EPDR1: variants seen among roughly 807,000 people sequenced by gnomAD.
EPDR1 encodes the protein ependymin related 1.
Under a neutral mutation model 23.7 loss-of-function variants are expected in EPDR1, and 27 were observed. That is an observed-to-expected ratio of 1.14 (90% CI 0.84 to 1.57). The LOEUF (loss-of-function observed/expected upper bound fraction) is 1.57. EPDR1 is among the 40% of genes most tolerant of loss of function. EPDR1 has a pLI of 0.00. For missense variants in EPDR1, 349 were observed against 290.4 expected, an observed-to-expected ratio of 1.20 and a Z score of -1.47; for synonymous variants, 137 against 118.2, an observed-to-expected ratio of 1.16 and a Z score of -1.03.
chr7:37,922,583 C>G (rs2131996956), intron 1 of EPDR1, among the ~76,000 whole-genome samples: 1 of 152,100 alleles, frequency 6.6e-6, no homozygotes, highest in Non-Finnish European at 1.5e-5. Flanking sequence ...GTTTTATGAT[C>G]TCCATTTTAC....
At chr7:37,921,764 C>G (rs1785710631) in intron 1 of EPDR1, among the ~76,000 whole-genome samples, 1 of 152,162 alleles carries the variant, frequency 6.6e-6, no homozygotes, top group African/African-American at 2.4e-5. Flanking sequence ...TTTTGGTCTA[C>G]TCCTTTTAAG....
chr7:37,947,983 AGCCACT>A (rs1230411295), intron 1 of EPDR1, among the ~76,000 whole-genome samples: 15 of 152,206 alleles, frequency 9.9e-5, no homozygotes, highest in Non-Finnish European at 2.1e-4. Context: ...CTCTCATCTC[AGCCACT>A]GCAGGGTATG....
At chr7:37,938,948 T>C (rs1211052907) in intron 1 of EPDR1, among the ~76,000 whole-genome samples, 15 of 151,980 alleles carry the variant, frequency 9.9e-5, no homozygotes, top group Non-Finnish European at 2.2e-4. Context: ...AATTGTCCTA[T>C]ACAATTGTCT....
chr7:37,949,637 C>T (rs959622786), intron 2 of EPDR1, among the ~76,000 whole-genome samples: 5 of 152,070 alleles, frequency 3.3e-5, no homozygotes, highest in Admixed American at 6.6e-5. Context: ...AAGAATTGAA[C>T]GCAGAGACTC....
chr7:37,948,797 G>A, intron 1 of EPDR1, 43 bp from the exon 2 acceptor site: 4 of 1,532,534 alleles, frequency 2.6e-6, no homozygotes, highest in Non-Finnish European at 3.6e-6. Context: ...CACGAGGATG[G>A]TAACATGAAG....
At chr7:37,922,668 G>GGGA (rs934853765) in intron 1 of EPDR1, among the ~76,000 whole-genome samples, 4 of 151,604 alleles carry the variant, frequency 2.6e-5, no homozygotes, top group African/African-American at 9.7e-5. Flanking sequence ...AGGAAGCTAG[G>GGGA]GGGGGGTTCT....
chr7:37,930,621 G>A (rs556666953), intron 1 of EPDR1, among the ~76,000 whole-genome samples: 1 of 152,256 alleles, frequency 6.6e-6, no homozygotes, highest in African/African-American at 2.4e-5. Flanking sequence ...CTTCAGGCAC[G>A]GCCTGGCTTA....
intron 1 of EPDR1, among the ~76,000 whole-genome samples, chr7:37,937,534 ACAGT>A (rs1786078940): frequency 6.6e-6 from 1 of 152,226 alleles, no homozygotes; most frequent in African/African-American, 2.4e-5. Context: ...AGAGAAATGA[ACAGT>A]CAGTTCATGG....
chr7:37,942,396 A>G (rs1786186221), intron 1 of EPDR1, among the ~76,000 whole-genome samples: 1 of 152,226 alleles, frequency 6.6e-6, no homozygotes, highest in South Asian at 2.1e-4. Flanking sequence ...AGCTATGTAG[A>G]GTAGCCAAAC....
At chr7:37,934,218 C>T (rs937924739) in intron 1 of EPDR1, among the ~76,000 whole-genome samples, 4 of 152,136 alleles carry the variant, frequency 2.6e-5, no homozygotes, top group African/African-American at 9.7e-5. Context: ...CCTCCTGATC[C>T]ACCTGCCTTG....
chr7:37,939,833 A>G (rs536241498), intron 1 of EPDR1, among the ~76,000 whole-genome samples: 152 of 152,344 alleles, frequency 1.0e-3, no homozygotes, highest in African/African-American at 3.3e-3. Context: ...AAAAGGCACT[A>G]TAATATATTG....
intron 1 of EPDR1, among the ~76,000 whole-genome samples, chr7:37,934,496 C>G (rs1243677629): frequency 6.6e-6 from 1 of 151,352 alleles, no homozygotes; most frequent in East Asian, 1.9e-4. Context: ...AGAGGATTAT[C>G]TCTCATTACA....
In EPDR1 at chr7:37,940,113, G is replaced by T. The variant is rs186177039; in HGVS notation, c.270-8727G>T. ...ACATGGCCATGAAAAAATAGGGATA[G>T]TCTGTAGGCATTAGTGGAGAATGGA... is the stretch of plus-strand genomic sequence containing the variant. On this transcript the variant is annotated intron_variant, in intron 1 of 2. Coordinates refer to ENST00000199448, the MANE Select transcript of EPDR1 (RefSeq NM_017549.5). Among the ~76,000 whole-genome samples, 3 of 152,306 alleles carry T rather than the reference G, an allele frequency of 2.0e-5. No individual in the cohort carries two copies. The East Asian group carries it at 5.8e-4, about 29-fold the overall frequency.
intron 1 of EPDR1, among the ~76,000 whole-genome samples, chr7:37,922,932 C>T (rs1184710717): frequency 6.6e-6 from 1 of 152,170 alleles, no homozygotes; most frequent in Non-Finnish European, 1.5e-5. Flanking sequence ...TTCCAAAACA[C>T]CTGTACAGGT....
chr7:37,921,150 G>A lies in EPDR1; in HGVS notation c.211G>A (p.Gly71Arg), dbSNP rs765296395. 4 of 1,596,190 alleles carry A rather than the reference G, an allele frequency of 2.5e-6. No individual in the cohort carries two copies. The South Asian group carries it at 3.3e-5, about 13-fold the overall frequency. The change falls in exon 1 of 3, where the codon GGG becomes AGG. Residue 71 changes from glycine (G) to arginine (R), a missense_variant. By Grantham distance (125) the Gly-to-Arg change is moderately radical (BLOSUM62 -2). Transcript: ENST00000199448. Reference protein sequence around the residue: ...RNSRALLSYDGLNQRVRVLDE... With the variant: ...RNSRALLSYDRLNQRVRVLDE... ...CAGCCGCGCCCTGCTCTCCTACGAC[G>A]GGCTCAACCAGCGCGTGCGGGTGCT...
At chr7:37,947,635 G>A (rs1786304563) in intron 1 of EPDR1, among the ~76,000 whole-genome samples, 1 of 152,122 alleles carries the variant, frequency 6.6e-6, no homozygotes, top group Non-Finnish European at 1.5e-5. Context: ...ACTTCTCTAG[G>A]CTCTTCAGCC....
At chr7:37,942,445 G>T (rs973791562) in intron 1 of EPDR1, among the ~76,000 whole-genome samples, 1 of 152,126 alleles carries the variant, frequency 6.6e-6, no homozygotes, top group Non-Finnish European at 1.5e-5. Flanking sequence ...GGAGAGGGAG[G>T]AATGGGTTAT....
At chr7:37,936,817 A>G (rs932167894) in intron 1 of EPDR1, among the ~76,000 whole-genome samples, 8 of 152,136 alleles carry the variant, frequency 5.3e-5, no homozygotes, top group Non-Finnish European at 1.5e-5. Context: ...TTGGAGTGAT[A>G]GGATGATTCA....
chr7:37,945,263 A>G (rs6949704), intron 1 of EPDR1, among the ~76,000 whole-genome samples: 42,738 of 152,158 alleles, frequency 0.28, 6,216 homozygotes, highest in African/African-American at 0.36. Flanking sequence ...CCCTGCATGC[A>G]TATTATAAAA....
Sources: allele counts gnomAD v4.1 joint callset (sites outside exome capture counted in the v4.1 genomes callset), GRCh38; gene constraint gnomAD v4.1.1; transcripts MANE v1.5; gene names NCBI Gene and HGNC (gene_info 2026-07-23, HGNC 2026-07-21).